The following DPYD variants were observed in gnomAD, a reference collection of about 807,000 sequenced individuals.
DPYD encodes the protein dihydropyrimidine dehydrogenase [NADP(+)].
DPYD carries 109 observed loss-of-function variants against 116.2 expected under a neutral mutation model. The observed-to-expected ratio is 0.94, with a 90% CI of 0.80 to 1.10. The LOEUF (loss-of-function observed/expected upper bound fraction) is 1.10. Among genes scored for constraint, DPYD ranks in the 50% least tolerant of loss-of-function variants. DPYD has a pLI of 0.00. For missense variants in DPYD, 1,302 were observed against 1,254.5 expected, an observed-to-expected ratio of 1.04 and a Z score of -0.57; for synonymous variants, 440 against 432.0, an observed-to-expected ratio of 1.02 and a Z score of -0.23.
chr1:97,827,368 C>T (rs1669293098), intron 3 of DPYD, among the ~76,000 whole-genome samples: 1 of 152,032 alleles, frequency 6.6e-6, no homozygotes, highest in African/African-American at 2.4e-5. Context: ...TATTCAAGCT[C>T]AGAACTTTTA....
chr1:97,501,428 G>A (rs897645536), intron 13 of DPYD, among the ~76,000 whole-genome samples: 4 of 152,000 alleles, frequency 2.6e-5, no homozygotes, highest in South Asian at 2.1e-4. Context: ...GTGGCCTGGT[G>A]CAGTGACGCA....
intron 20 of DPYD, among the ~76,000 whole-genome samples, chr1:97,191,642 T>C (rs1253946194): frequency 6.6e-6 from 1 of 152,146 alleles, no homozygotes; most frequent in Non-Finnish European, 1.5e-5. Flanking sequence ...GTGAAAATCC[T>C]TTAAAGACAA....
chr1:97,654,682 A>G (rs1658795996), intron 8 of DPYD, among the ~76,000 whole-genome samples: 1 of 146,294 alleles, frequency 6.8e-6, no homozygotes. Flanking sequence ...ATAAAAATAA[A>G]GACATACTAT....
intron 13 of DPYD, among the ~76,000 whole-genome samples, chr1:97,469,264 C>A (rs1222090584): frequency 6.6e-6 from 1 of 151,878 alleles, no homozygotes; most frequent in Non-Finnish European, 1.5e-5. Flanking sequence ...AGCCTTTTAT[C>A]TGATAAATCT....
At chr1:97,185,925 A>C (rs751989715) in intron 20 of DPYD, among the ~76,000 whole-genome samples, 2 of 152,230 alleles carry the variant, frequency 1.3e-5, no homozygotes, top group Non-Finnish European at 2.9e-5. Flanking sequence ...GTTTGTCACA[A>C]CTTGTCAAAT....
rs2101856799 is a variant in DPYD, at chr1:97,205,973, G to C, written c.2443-12725C>G. On this transcript the variant is annotated intron_variant, in intron 19 of 22. Transcript: ENST00000370192. ...CGCTTAATGGGAATGGGGTGGCAGGGAATGAATGGTGGACATTGCCTGTAA... is the reference window on the plus strand; with the variant it reads ...CGCTTAATGGGAATGGGGTGGCAGGCAATGAATGGTGGACATTGCCTGTAA... Among the ~76,000 whole-genome samples, 2 of 152,192 alleles carry C rather than the reference G, an allele frequency of 1.3e-5. 1 individual carries two copies. Among genetic ancestry groups the C allele is most frequent in the East Asian group, 3.9e-4 (2 of 5,168 alleles).
chr1:97,764,721 T>C (rs1200919458), intron 3 of DPYD, among the ~76,000 whole-genome samples: 1 of 152,118 alleles, frequency 6.6e-6, no homozygotes, highest in East Asian at 1.9e-4. Context: ...TCTGAAATGC[T>C]GATTTATAAA....
At chr1:97,232,711 G>A (rs1661662083) in intron 19 of DPYD, among the ~76,000 whole-genome samples, 1 of 151,988 alleles carries the variant, frequency 6.6e-6, no homozygotes, top group African/African-American at 2.4e-5. Flanking sequence ...CATCAGCTGA[G>A]TTTTATATTT....
chr1:97,748,479 C>T (rs958670791), intron 3 of DPYD, among the ~76,000 whole-genome samples: 1 of 151,996 alleles, frequency 6.6e-6, no homozygotes, highest in Non-Finnish European at 1.5e-5. Context: ...CGTGGTGGCA[C>T]GCACCTGTAA....
chr1:97,362,373 C>T (rs972453935), intron 16 of DPYD, among the ~76,000 whole-genome samples: 1 of 152,298 alleles, frequency 6.6e-6, no homozygotes, highest in Non-Finnish European at 1.5e-5. Flanking sequence ...AATGGCCATA[C>T]TGCCCAAGGT....
intron 14 of DPYD, among the ~76,000 whole-genome samples, chr1:97,426,926 T>G (rs1475200638): frequency 6.6e-6 from 1 of 152,136 alleles, no homozygotes; most frequent in Non-Finnish European, 1.5e-5. Flanking sequence ...TTTAACTTTT[T>G]AGGCCAAACT....
intron 12 of DPYD, among the ~76,000 whole-genome samples, chr1:97,528,519 C>A (rs1291916347): frequency 6.6e-6 from 1 of 152,050 alleles, no homozygotes; most frequent in African/African-American, 2.4e-5. Context: ...CATCTTTCTC[C>A]ATCTAAACTC....
intron 22 of DPYD, among the ~76,000 whole-genome samples, chr1:97,079,424 A>C (rs1649002536): frequency 6.6e-6 from 1 of 152,062 alleles, no homozygotes. Context: ...GTCACTCTCT[A>C]GTTTTCTTTG....
chr1:97,520,614 A>C, intron 12 of DPYD, among the ~76,000 whole-genome samples: 1 of 152,028 alleles, frequency 6.6e-6, no homozygotes, highest in South Asian at 2.1e-4. Context: ...TCCTAATGCT[A>C]TCCCTCCCCT....
chr1:97,406,087 A>G (rs1458817733), intron 14 of DPYD, among the ~76,000 whole-genome samples: 3 of 151,898 alleles, frequency 2.0e-5, no homozygotes, highest in Non-Finnish European at 4.4e-5. Context: ...AAATTCATCA[A>G]TTATAGTTCA....
intron 12 of DPYD, 55 bp downstream of exon 12, chr1:97,549,505 A>G: frequency 6.3e-7 from 1 of 1,576,024 alleles, no homozygotes; most frequent in Non-Finnish European, 8.7e-7. Context: ...TCAAAAATAA[A>G]TGAAGCACTT....
At chr1:97,080,761 T>C (rs1472872714) in intron 22 of DPYD, among the ~76,000 whole-genome samples, 1 of 152,198 alleles carries the variant, frequency 6.6e-6, no homozygotes, top group Non-Finnish European at 1.5e-5. Context: ...AAACTTTATG[T>C]TCAATTAAAA....
intron 16 of DPYD, among the ~76,000 whole-genome samples, chr1:97,370,569 G>A (rs904320707): frequency 2.0e-5 from 3 of 152,092 alleles, no homozygotes; most frequent in African/African-American, 7.2e-5. Flanking sequence ...ATGTATCCCA[G>A]AACTTAAAGC....
At chr1:97,753,600 G>C (rs142494453) in intron 3 of DPYD, among the ~76,000 whole-genome samples, 1 of 151,980 alleles carries the variant, frequency 6.6e-6, no homozygotes, top group Non-Finnish European at 1.5e-5. Flanking sequence ...TTTTATATAT[G>C]ACTGAATTTA....
Sources: gnomAD v4.1 joint callset for allele counts (sites outside exome capture counted in the v4.1 genomes callset) on GRCh38, gnomAD v4.1.1 for gene constraint, MANE v1.5 for transcripts, NCBI Gene and HGNC (gene_info 2026-07-23, HGNC 2026-07-21) for gene names.